Variants in CHPT1 observed in about 807,000 individuals in gnomAD.
The protein encoded by CHPT1 is choline phosphotransferase 1.
A neutral mutation model predicts 47.6 loss-of-function variants in CHPT1; 36 were observed. That is an observed-to-expected ratio of 0.76 (90% CI 0.58 to 1.00). The LOEUF (loss-of-function observed/expected upper bound fraction) is 1.00. CHPT1 is among the 50% of genes least tolerant of loss of function. The pLI is 0.00. For synonymous variants in CHPT1, 194 were observed against 186.3 expected (o/e 1.04, Z -0.33); for missense variants, 458 against 498.1 (o/e 0.92, Z 0.77).
At chr12:101,724,311 A>G (rs1177933497) in intron 7 of CHPT1, among the ~76,000 whole-genome samples, 1 of 152,098 alleles carries the variant, frequency 6.6e-6, no homozygotes, top group Non-Finnish European at 1.5e-5. Flanking sequence ...GAATAATATT[A>G]TATTGTGTGT....
intron 4 of CHPT1, among the ~76,000 whole-genome samples, chr12:101,718,664 TAAA>T (rs869226936): frequency 3.9e-5 from 5 of 129,022 alleles, no homozygotes; most frequent in Non-Finnish European, 5.0e-5. Flanking sequence ...ACCCCATCTT[TAAA>T]AAAAAAAAAA....
intron 1 of CHPT1, among the ~76,000 whole-genome samples, chr12:101,706,780 G>A (rs533042670): frequency 6.6e-6 from 1 of 152,304 alleles, no homozygotes; most frequent in East Asian, 1.9e-4. Context: ...AATGACTTAT[G>A]TGGAATTACT....
chr12:101,712,562 A>G (rs1594131933), intron 1 of CHPT1, among the ~76,000 whole-genome samples: 1 of 148,268 alleles, frequency 6.7e-6, no homozygotes, highest in East Asian at 2.0e-4. Context: ...CTGTTGTCCC[A>G]CCACTCGCCG....
At chr12:101,717,474 T>A in intron 4 of CHPT1, 1 of 310,162 alleles carries the variant, frequency 3.2e-6, no homozygotes, top group Non-Finnish European at 6.4e-6. Context: ...ATATCAATAG[T>A]CAACAACTAA....
intron 1 of CHPT1, among the ~76,000 whole-genome samples, chr12:101,702,441 C>T (rs939891256): frequency 1.3e-5 from 2 of 152,088 alleles, no homozygotes; most frequent in African/African-American, 4.8e-5. Context: ...AGTAAGTATA[C>T]CTGAGCATGC....
Position 101,697,669 on chromosome 12 carries a change from C to T in CHPT1, c.-193C>T, listed in dbSNP as rs1037404455. ...CACCCGCGAGCCGCAGCCGCGGCCC[C>T]ACAGCTTCTGGGGCTGGGGCCCCGG... On this transcript the variant is annotated 5_prime_UTR_variant, in exon 1 of 9. Coordinates refer to ENST00000229266, the MANE Select transcript of CHPT1 (RefSeq NM_020244.3). 3.0e-5 allele frequency: 5 copies of T among 164,392 alleles called. No individual in the cohort carries two copies. The highest frequency in any genetic ancestry group is 1.2e-4 in the African/African-American group (5 of 41,594). The allele number at this position is 164,392 out of a possible 1,614,324, so 10.2% of individuals were successfully genotyped here.
At chr12:101,704,216 T>A (rs1365086706) in intron 1 of CHPT1, among the ~76,000 whole-genome samples, 1 of 152,044 alleles carries the variant, frequency 6.6e-6, no homozygotes, top group Non-Finnish European at 1.5e-5. Context: ...AGTATAAAAA[T>A]TTACGTAATG....
chr12:101,697,700 G>T lies in CHPT1; in HGVS notation c.-162G>T, dbSNP rs968368281. 1 of 175,180 alleles carries T rather than the reference G, an allele frequency of 5.7e-6. No homozygotes were observed. Among genetic ancestry groups the T allele is most frequent in the Non-Finnish European group, 1.2e-5 (1 of 86,620 alleles). 10.9% of individuals were successfully genotyped at this position (175,180 alleles called of 1,614,324 possible). A position where few individuals can be genotyped will look rare whatever the true frequency, so the allele number is the denominator to read the frequency against. ...TTCTGGGGCTGGGGCCCCGGCAGCCGGGCAGGCCGGCCTGACCTCGACCTC... is the reference window on the plus strand; with the variant it reads ...TTCTGGGGCTGGGGCCCCGGCAGCCTGGCAGGCCGGCCTGACCTCGACCTC... On this transcript the variant is annotated 5_prime_UTR_variant, in exon 1 of 9. Transcript: ENST00000229266.
chr12:101,715,438 G>T (rs1951750770), intron 3 of CHPT1, among the ~76,000 whole-genome samples: 1 of 152,118 alleles, frequency 6.6e-6, no homozygotes, highest in African/African-American at 2.4e-5. Flanking sequence ...CAGAGGGCAG[G>T]CTTCAGGCAG....
At chr12:101,714,398 A>G in intron 2 of CHPT1, 106 bp from the exon 3 acceptor site, 1 of 1,179,580 alleles carries the variant, frequency 8.5e-7, no homozygotes, top group Non-Finnish European at 1.2e-6. Context: ...CTTTATTTTA[A>G]TGCCATGATT....
intron 1 of CHPT1, among the ~76,000 whole-genome samples, chr12:101,713,255 T>C (rs1193807939): frequency 6.6e-6 from 1 of 151,502 alleles, no homozygotes; most frequent in East Asian, 1.9e-4. Context: ...TGTCTGACCT[T>C]CAACATTGCA....
intron 1 of CHPT1, among the ~76,000 whole-genome samples, chr12:101,713,618 T>C (rs1951724211): frequency 6.6e-6 from 1 of 151,780 alleles, no homozygotes; most frequent in Non-Finnish European, 1.5e-5. Flanking sequence ...GTTTGAAAAC[T>C]GTTTTTTGTT....
At chr12:101,702,599 G>A (rs993416223) in intron 1 of CHPT1, among the ~76,000 whole-genome samples, 16 of 151,686 alleles carry the variant, frequency 1.1e-4, no homozygotes, top group Admixed American at 3.3e-4. Context: ...ATTTTGGGGG[G>A]AATAATAGAA....
In CHPT1 at chr12:101,697,692, C is replaced by G. The variant is rs1270944993; in HGVS notation, c.-170C>G. ...CCCACAGCTTCTGGGGCTGGGGCCC[C>G]GGCAGCCGGGCAGGCCGGCCTGACC... is the stretch of plus-strand genomic sequence containing the variant. On this transcript the variant is annotated 5_prime_UTR_variant, in exon 1 of 9. Transcript: ENST00000229266. The G allele has an allele frequency of 5.8e-6, 1 of 171,682 alleles. No homozygotes were observed. The highest frequency in any genetic ancestry group is 6.3e-5 in the Admixed American group (1 of 15,766). 10.6% of individuals were successfully genotyped at this position (171,682 alleles called of 1,614,324 possible). A position where few individuals can be genotyped will look rare whatever the true frequency, so the allele number is the denominator to read the frequency against.
At position 101,698,048 on chromosome 12, in the gene CHPT1, C is replaced by A. The variant is rs1389646826; in HGVS notation, c.187C>A (p.Pro63Thr). 4.4e-6 allele frequency: 7 copies of A among 1,577,666 alleles called. No homozygotes were observed. Among genetic ancestry groups the A allele is most frequent in the Non-Finnish European group, 6.0e-6 (7 of 1,170,336 alleles). The change falls in exon 1 of 9, where the codon CCC becomes ACC. Residue 63 changes from proline (P) to threonine (T), a missense_variant. Transcript: ENST00000229266. ...LLQWIPLWMA[P>T]NSITLLGLAV... ...CCAGTGGATCCCGCTCTGGATGGCC[C>A]CCAACTCCATCACCCTGCTGGGGCT...
chr12:101,714,769 G>T lies in CHPT1; in HGVS notation c.563+124G>T. 4.1e-6 allele frequency: 4 copies of T among 971,862 alleles called. No homozygotes were observed. In the African/African-American group the frequency reaches 6.7e-5, roughly 16 times the overall value. 60.2% of individuals were successfully genotyped at this position (971,862 alleles called of 1,614,324 possible). ...ATCAGTAACTTAAATTAATTCGTCG[G>T]AGTACTCATAAATGCTACACCTTAA... On this transcript the variant is annotated intron_variant, in intron 3 of 8. Coordinates refer to ENST00000229266, the MANE Select transcript of CHPT1 (RefSeq NM_020244.3).
intron 4 of CHPT1, among the ~76,000 whole-genome samples, chr12:101,718,810 A>T (rs1951803865): frequency 6.6e-6 from 1 of 152,034 alleles, no homozygotes; most frequent in African/African-American, 2.4e-5. Context: ...CCCTCTCATC[A>T]TGTAAGAGTA....
rs147257070 is a variant in CHPT1, at chr12:101,719,474, T to C, written c.649-649T>C. On this transcript the variant is annotated intron_variant, in intron 4 of 8. Transcript: ENST00000229266. ...TCATTGTTACTGTTTTTTAAATCCT[T>C]TGCTGCCTTTGGAAGTTTTCTTGAA... The C allele has an allele frequency of 5.5e-4, 622 of 1,127,050 alleles. 3 individuals are homozygous for C. In the African/African-American group the frequency reaches 7.6e-3, roughly 14 times the overall value. 69.8% of individuals were successfully genotyped at this position (1,127,050 alleles called of 1,614,324 possible). A position where few individuals can be genotyped will look rare whatever the true frequency, so the allele number is the denominator to read the frequency against.
intron 1 of CHPT1, among the ~76,000 whole-genome samples, chr12:101,708,354 A>T (rs1378593387): frequency 6.6e-6 from 1 of 152,006 alleles, no homozygotes; most frequent in African/African-American, 2.4e-5. Flanking sequence ...TTTAATGACA[A>T]GGGGTTATGA....
Sources: gnomAD v4.1 joint callset for allele counts (sites outside exome capture counted in the v4.1 genomes callset) on GRCh38, gnomAD v4.1.1 for gene constraint, MANE v1.5 for transcripts, NCBI Gene and HGNC (gene_info 2026-07-23, HGNC 2026-07-21) for gene names.